UBR3: variants seen among roughly 807,000 people sequenced by gnomAD.
UBR3 encodes E3 ubiquitin-protein ligase UBR3.
UBR3 carries 85 observed loss-of-function variants against 243.2 expected under a neutral mutation model. The observed-to-expected ratio is 0.35, with a 90% CI of 0.29 to 0.42. The LOEUF (loss-of-function observed/expected upper bound fraction) is 0.42. Ranked by LOEUF, UBR3 falls within the 10% of genes least tolerant of loss-of-function variation. The pLI, the probability that UBR3 is intolerant of heterozygous loss-of-function variation, is 1.00. For missense variants in UBR3, 1,686 were observed against 2,300.8 expected, an observed-to-expected ratio of 0.73 and a Z score of 5.47; for synonymous variants, 748 against 799.8, an observed-to-expected ratio of 0.94 and a Z score of 1.09.
intron 1 of UBR3, among the ~76,000 whole-genome samples, chr2:169,867,025 A>G (rs1488713272): frequency 6.6e-6 from 1 of 152,226 alleles, no homozygotes; most frequent in Non-Finnish European, 1.5e-5. Context: ...AATACCAATG[A>G]TGTTTTAAAT....
At chr2:169,941,752 G>C (rs1269471104) in intron 19 of UBR3, among the ~76,000 whole-genome samples, 1 of 152,144 alleles carries the variant, frequency 6.6e-6, no homozygotes, top group Non-Finnish European at 1.5e-5. Flanking sequence ...CATCTACTGG[G>C]GGCTTTGGAA....
At chr2:169,856,435 G>T (rs2082866974) in intron 1 of UBR3, among the ~76,000 whole-genome samples, 1 of 152,196 alleles carries the variant, frequency 6.6e-6, no homozygotes, top group African/African-American at 2.4e-5. Context: ...CGGGGTGGCG[G>T]CCGGGCAGAG....
At chr2:170,032,737 A>T (rs1289060064) in intron 31 of UBR3, among the ~76,000 whole-genome samples, 1 of 151,826 alleles carries the variant, frequency 6.6e-6, no homozygotes, top group Non-Finnish European at 1.5e-5. Context: ...TTTTTAGTGC[A>T]TAGTATGAGG....
chr2:170,011,113 T>TA (rs1462660573), intron 29 of UBR3, among the ~76,000 whole-genome samples: 1 of 152,072 alleles, frequency 6.6e-6, no homozygotes, highest in Admixed American at 6.6e-5. Flanking sequence ...GTCAAGGCTA[T>TA]AGTGAGCTGT....
At chr2:169,977,974 CA>C (rs1463453789) in intron 24 of UBR3, among the ~76,000 whole-genome samples, 1 of 152,158 alleles carries the variant, frequency 6.6e-6, no homozygotes, top group Non-Finnish European at 1.5e-5. Flanking sequence ...GATTCACCTG[CA>C]GTTGAATCTT....
At chr2:169,943,073 G>A (rs1418105275) in intron 20 of UBR3, among the ~76,000 whole-genome samples, 2 of 152,178 alleles carry the variant, frequency 1.3e-5, no homozygotes, top group South Asian at 2.1e-4. Context: ...AAGGATTTGA[G>A]TGTGGTTTCT....
chr2:169,868,287 GT>G (rs2083323761), intron 1 of UBR3, among the ~76,000 whole-genome samples: 4 of 151,978 alleles, frequency 2.6e-5, no homozygotes, highest in Non-Finnish European at 5.9e-5. Context: ...ATATTAGAGC[GT>G]TTCATCTGTA....
At chr2:170,081,469 C>T (rs1422048742) in intron 38 of UBR3, among the ~76,000 whole-genome samples, 1 of 151,870 alleles carries the variant, frequency 6.6e-6, no homozygotes, top group Admixed American at 6.6e-5. Context: ...CACTGCACTC[C>T]AGCCTGGGTG....
intron 11 of UBR3, among the ~76,000 whole-genome samples, chr2:169,914,528 A>G (rs2085377832): frequency 6.6e-6 from 1 of 152,224 alleles, no homozygotes; most frequent in Non-Finnish European, 1.5e-5. Flanking sequence ...ATACAACTCT[A>G]TTAATTGGAC....
intron 32 of UBR3, among the ~76,000 whole-genome samples, chr2:170,054,264 T>C (rs1434109597): frequency 6.6e-6 from 1 of 150,930 alleles, no homozygotes; most frequent in Non-Finnish European, 1.5e-5. Flanking sequence ...GGATGACAGG[T>C]GCTTGTCACC....
chr2:169,968,883 A>T lies in UBR3; in HGVS notation c.3634+10357A>T, dbSNP rs1365525080. ...TTTTCTTTTTGATAATAGCTATTTTAACTGGGGTGAGATGGATGATATCTT... is the reference window on the plus strand; with the variant it reads ...TTTTCTTTTTGATAATAGCTATTTTTACTGGGGTGAGATGGATGATATCTT... On this transcript the variant is annotated intron_variant, in intron 24 of 38. Transcript: ENST00000272793. Among the ~76,000 whole-genome samples the T allele has an allele frequency of 2.6e-5, 4 of 152,146 alleles. 1 individual carries two copies. Among genetic ancestry groups the T allele is most frequent in the Admixed American group, 2.6e-4 (4 of 15,270 alleles).
rs559687208 is a variant in UBR3, at chr2:170,061,023, T to A, written c.4786-56T>A. 6.0e-4 allele frequency: 700 copies of A among 1,163,610 alleles called. 2 individuals carry two copies. Among genetic ancestry groups the A allele is most frequent in the Non-Finnish European group, 8.1e-4 (682 of 842,708 alleles). 72.1% of individuals were successfully genotyped at this position (1,163,610 alleles called of 1,614,324 possible). ...TCTACTCATTAAAAATTATTTCCAA[T>A]GTAAATTTTTTATAATTTTCAGTGA... On this transcript the variant is annotated intron_variant, in intron 33 of 38. Coordinates refer to ENST00000272793, the MANE Select transcript of UBR3 (RefSeq NM_172070.4).
intron 24 of UBR3, among the ~76,000 whole-genome samples, chr2:169,986,174 T>C (rs1273784755): frequency 1.3e-5 from 2 of 152,198 alleles, no homozygotes; most frequent in East Asian, 1.9e-4. Context: ...ATATAATCAC[T>C]AGAATTGAGA....
At chr2:169,836,043 CTATATA>C (rs1236888848) in intron 1 of UBR3, among the ~76,000 whole-genome samples, 2 of 8,052 alleles carry the variant, frequency 2.5e-4, no homozygotes, top group African/African-American at 8.5e-4. Context: ...CTCTCTCTCT[CTATATA>C]TATATATATA....
chr2:169,968,124 T>A (rs995816653), intron 24 of UBR3, among the ~76,000 whole-genome samples: 3 of 152,188 alleles, frequency 2.0e-5, no homozygotes, highest in African/African-American at 7.2e-5. Context: ...ACATGTGATA[T>A]TTTGATACAT....
chr2:169,957,268 TG>T (rs1291968077), intron 23 of UBR3, among the ~76,000 whole-genome samples: 1 of 93,796 alleles, frequency 1.1e-5, no homozygotes, highest in Admixed American at 1.0e-4. Flanking sequence ...ACTGTATTGG[TG>T]GATTTTTTTT....
At chr2:169,859,601 A>T (rs570558780) in intron 1 of UBR3, among the ~76,000 whole-genome samples, 2 of 151,410 alleles carry the variant, frequency 1.3e-5, no homozygotes, top group South Asian at 4.2e-4. Flanking sequence ...TTTATTTTGG[A>T]TAATTTTTAT....
At chr2:169,969,218 G>C (rs1341048879) in intron 24 of UBR3, among the ~76,000 whole-genome samples, 1 of 151,810 alleles carries the variant, frequency 6.6e-6, no homozygotes, top group African/African-American at 2.4e-5. Flanking sequence ...ATCTATTTTT[G>C]CTTTTGTTGC....
At chr2:169,831,640 C>T (rs913487715) in intron 1 of UBR3, among the ~76,000 whole-genome samples, 4 of 152,046 alleles carry the variant, frequency 2.6e-5, no homozygotes, top group African/African-American at 9.7e-5. Flanking sequence ...CTGGGCTATA[C>T]AGCTAATTTA....
Sources: gnomAD v4.1 joint callset for allele counts (sites outside exome capture counted in the v4.1 genomes callset) on GRCh38, gnomAD v4.1.1 for gene constraint, MANE v1.5 for transcripts, NCBI Gene and HGNC (gene_info 2026-07-23, HGNC 2026-07-21) for gene names.